SCGB2B2: variants seen among roughly 807,000 people sequenced by gnomAD.
SCGB2B2 encodes the protein secretoglobin family 2B member 2.
Under a neutral mutation model 7.6 loss-of-function variants are expected in SCGB2B2, and 11 were observed. The observed-to-expected ratio is 1.45, with a 90% CI of 0.91 to 2.40. SCGB2B2 has a LOEUF of 2.40. SCGB2B2 is among the 30% of genes most tolerant of loss of function. The pLI, the probability that SCGB2B2 is intolerant of heterozygous loss-of-function variation, is 0.00. For missense variants in SCGB2B2, 104 were observed against 115.4 expected, an observed-to-expected ratio of 0.90 and a Z score of 0.45; for synonymous variants, 50 against 48.6, an observed-to-expected ratio of 1.03 and a Z score of -0.12.
At chr19:34,666,383 A>G (rs529332555) in intron 1 of SCGB2B2, among the ~76,000 whole-genome samples, 1 of 151,918 alleles carries the variant, frequency 6.6e-6, no homozygotes, top group Non-Finnish European at 1.5e-5. Context: ...CACACACACA[A>G]TCCCATTCTC....
intron 1 of SCGB2B2, among the ~76,000 whole-genome samples, chr19:34,621,554 GAA>G (rs34423335): frequency 4.9e-5 from 7 of 143,072 alleles, no homozygotes; most frequent in Non-Finnish European, 9.1e-5. Flanking sequence ...AGTCAACTGA[GAA>G]AAAAAAAAAC....
At chr19:34,613,142 A>G (rs2145852200) in intron 1 of SCGB2B2, among the ~76,000 whole-genome samples, 1 of 150,178 alleles carries the variant, frequency 6.7e-6, no homozygotes, top group East Asian at 2.0e-4. Context: ...TTTGTTGCCC[A>G]GGGTGGAGTG....
chr19:34,588,701 A>T (rs2145709202), downstream of SCGB2B2, among the ~76,000 whole-genome samples: 1 of 152,258 alleles, frequency 6.6e-6, no homozygotes, highest in East Asian at 1.9e-4. Context: ...CACTCAACCA[A>T]CATGACCCAG....
chr19:34,662,836 C>T (rs1438683114), intron 1 of SCGB2B2, among the ~76,000 whole-genome samples: 2 of 152,012 alleles, frequency 1.3e-5, no homozygotes, highest in Non-Finnish European at 2.9e-5. Flanking sequence ...GAGGCTGAAA[C>T]AGGAGGATCG....
downstream of SCGB2B2, among the ~76,000 whole-genome samples, chr19:34,586,986 C>G (rs2065200747): frequency 6.6e-6 from 1 of 152,194 alleles, no homozygotes; most frequent in Non-Finnish European, 1.5e-5. Context: ...CGGCTCACCG[C>G]AATCTCTGCC....
At chr19:34,623,298 T>TAA (rs1416204181) in intron 1 of SCGB2B2, among the ~76,000 whole-genome samples, 1 of 152,146 alleles carries the variant, frequency 6.6e-6, no homozygotes, top group Non-Finnish European at 1.5e-5. Context: ...GTCTGACGAT[T>TAA]AAAAGAGATC....
chr19:34,592,902 C>T lies in SCGB2B2; in HGVS notation c.*653G>A, dbSNP rs115852513. 0.015 allele frequency among the ~76,000 whole-genome samples: 2,338 copies of T among 152,106 alleles called. 50 individuals are homozygous for T. The highest frequency in any genetic ancestry group is 0.053 in the African/African-American group (2,196 of 41,464). ...TGTGATTTCCCAGCCTCCAGCATCC[C>T]GAGTCCTGGGGAGCCCTGGAGGTTC... On this transcript the variant is annotated 3_prime_UTR_variant, in exon 4 of 4. Transcript: ENST00000601241.
chr19:34,653,906 C>A (rs1012663361), intron 1 of SCGB2B2, among the ~76,000 whole-genome samples: 4 of 149,952 alleles, frequency 2.7e-5, no homozygotes, highest in Admixed American at 1.3e-4. Context: ...AGATCAGGAA[C>A]AAGATGAGGA....
At chr19:34,637,844 A>G (rs773003946) in intron 1 of SCGB2B2, 2 of 152,202 alleles carry the variant, frequency 1.3e-5, no homozygotes, top group Non-Finnish European at 2.9e-5. Context: ...TGACAGATGG[A>G]TTTCTCTCAA....
chr19:34,642,275 C>T (rs990546020), intron 1 of SCGB2B2, among the ~76,000 whole-genome samples: 2 of 152,164 alleles, frequency 1.3e-5, no homozygotes, highest in Non-Finnish European at 2.9e-5. Context: ...TGCAATGCTA[C>T]CCACAGGAGA....
intron 1 of SCGB2B2, among the ~76,000 whole-genome samples, chr19:34,612,222 A>G (rs1158468136): frequency 6.6e-6 from 1 of 150,710 alleles, no homozygotes; most frequent in Non-Finnish European, 1.5e-5. Flanking sequence ...GTATTTCAGT[A>G]GAGACCGGGT....
intron 1 of SCGB2B2, among the ~76,000 whole-genome samples, chr19:34,617,280 T>C (rs1476686781): frequency 1.4e-5 from 2 of 140,434 alleles, no homozygotes; most frequent in Non-Finnish European, 3.1e-5. Flanking sequence ...TTGGGCAGTA[T>C]GGCCATTTTC....
intron 1 of SCGB2B2, among the ~76,000 whole-genome samples, chr19:34,672,297 T>C (rs1239945337): frequency 6.6e-6 from 1 of 152,180 alleles, no homozygotes; most frequent in Non-Finnish European, 1.5e-5. Flanking sequence ...GTATTGGTTT[T>C]ACTCGTTTTT....
chr19:34,640,724 G>T (rs1223937375), intron 1 of SCGB2B2: 6 of 152,128 alleles, frequency 3.9e-5, no homozygotes, highest in Non-Finnish European at 7.4e-5. Context: ...AACTTTTCAT[G>T]AATGGCAAGC....
chr19:34,670,694 C>T (rs151029394), intron 1 of SCGB2B2, among the ~76,000 whole-genome samples: 1 of 152,170 alleles, frequency 6.6e-6, no homozygotes. Context: ...CTTCCTTCAT[C>T]TTAAAAGAGC....
intron 1 of SCGB2B2, among the ~76,000 whole-genome samples, chr19:34,648,805 T>C (rs2067088159): frequency 6.6e-6 from 1 of 151,964 alleles, no homozygotes; most frequent in Admixed American, 6.6e-5. Flanking sequence ...AAAAAGAACA[T>C]GTTGCATTAT....
In SCGB2B2 at chr19:34,630,663, G is replaced by A. The variant is rs1223352320; in HGVS notation, c.-2031-34069C>T. Among the ~76,000 whole-genome samples the A allele has an allele frequency of 4.7e-5, 7 of 148,984 alleles. No individual in the cohort carries two copies. The East Asian group carries it at 9.6e-4, about 20-fold the overall frequency. ...AAATAGGAACACTTTTACACTGTTG[G>A]TGGGACTGTAAACTAGTTCAACCAT... On this transcript the variant is annotated intron_variant, in intron 1 of 3. Transcript: ENST00000601241.
chr19:34,645,795 T>A (rs2066994331), intron 1 of SCGB2B2: 1 of 285,890 alleles, frequency 3.5e-6, no homozygotes, highest in African/African-American at 2.3e-5. Context: ...CATCCCAGGG[T>A]CTCAGCTGTC....
intron 1 of SCGB2B2, among the ~76,000 whole-genome samples, chr19:34,603,750 TACAG>T (rs887796605): frequency 4.0e-5 from 6 of 151,468 alleles, no homozygotes; most frequent in African/African-American, 1.5e-4. Flanking sequence ...TAATTTAAAA[TACAG>T]ACAAAGTTTC....
Sources: gnomAD v4.1 joint callset for allele counts (sites outside exome capture counted in the v4.1 genomes callset) on GRCh38, gnomAD v4.1.1 for gene constraint, MANE v1.5 for transcripts, NCBI Gene and HGNC (gene_info 2026-07-23, HGNC 2026-07-21) for gene names.